Variants in CAMTA1 observed in about 807,000 individuals in gnomAD.
CAMTA1 encodes the protein calmodulin-binding transcription activator 1.
CAMTA1 carries 27 observed loss-of-function variants against 170.9 expected under a neutral mutation model. The observed-to-expected ratio is 0.16, with a 90% CI of 0.12 to 0.22. The LOEUF (loss-of-function observed/expected upper bound fraction) is 0.22, where lower values mean the gene tolerates loss of function less well. Among genes scored for constraint, CAMTA1 ranks in the 10% least tolerant of loss-of-function variants. CAMTA1 has a pLI of 1.00. For missense variants in CAMTA1, 1,619 were observed against 2,217.2 expected (o/e 0.73, Z 5.42); for synonymous variants, 833 against 891.5 (o/e 0.93, Z 1.17).
intron 3 of CAMTA1, among the ~76,000 whole-genome samples, chr1:6,932,930 T>C (rs1684656904): frequency 6.6e-6 from 1 of 152,200 alleles, no homozygotes; most frequent in South Asian, 2.1e-4. Flanking sequence ...TTTCTTCCAG[T>C]CTGTGATTTG....
chr1:7,111,861 G>A lies in CAMTA1; in HGVS notation c.302+20490G>A, dbSNP rs550450381. On this transcript the variant is annotated intron_variant, in intron 4 of 22. Transcript: ENST00000303635. ...GATTGCATTACTGCACTCCAGCCTG[G>A]GCGACCGGGCAAGACTCCATCTCCA... 3.0e-4 allele frequency among the ~76,000 whole-genome samples: 44 copies of A among 148,782 alleles called. 2 individuals are homozygous for A. In the South Asian group the frequency reaches 7.9e-3, roughly 27 times the overall value.
intron 3 of CAMTA1, among the ~76,000 whole-genome samples, chr1:6,857,022 G>C (rs1192240025): frequency 6.6e-6 from 1 of 152,204 alleles, no homozygotes; most frequent in Non-Finnish European, 1.5e-5. Context: ...GTGTCCCTGT[G>C]AAGGGTTGCC....
At position 7,125,853 on chromosome 1, in the gene CAMTA1, C is replaced by T. The variant is rs1473926380; in HGVS notation, c.302+34482C>T. On this transcript the variant is annotated intron_variant, in intron 4 of 22. Coordinates refer to ENST00000303635, the MANE Select transcript of CAMTA1 (RefSeq NM_015215.4). ...CCAGGGGTCCCTCCTTTCCATCTCT[C>T]CTCCCCAAAGCCTCAAAGCCCCAAC... Among the ~76,000 whole-genome samples, 4 of 152,274 alleles carry T rather than the reference C, an allele frequency of 2.6e-5. 1 individual carries two copies. The highest frequency in any genetic ancestry group is 4.4e-5 in the Non-Finnish European group (3 of 68,018).
At chr1:6,929,244 A>G (rs999741548) in intron 3 of CAMTA1, among the ~76,000 whole-genome samples, 1 of 152,136 alleles carries the variant, frequency 6.6e-6, no homozygotes, top group Non-Finnish European at 1.5e-5. Flanking sequence ...CAATGGTGCG[A>G]TCTCGGCTCA....
At chr1:7,223,616 C>T (rs1489960516) in intron 4 of CAMTA1, among the ~76,000 whole-genome samples, 1 of 152,028 alleles carries the variant, frequency 6.6e-6, no homozygotes, top group African/African-American at 2.4e-5. Flanking sequence ...TTATATGAGG[C>T]CCTGGGTTTG....
chr1:7,536,407 G>A (rs1445819328), intron 6 of CAMTA1, among the ~76,000 whole-genome samples: 1 of 152,172 alleles, frequency 6.6e-6, no homozygotes, highest in Non-Finnish European at 1.5e-5. Flanking sequence ...TTCACTCTGC[G>A]TCCCTGCCGC....
intron 3 of CAMTA1, among the ~76,000 whole-genome samples, chr1:6,929,610 G>A (rs1189180469): frequency 1.3e-5 from 2 of 152,168 alleles, no homozygotes; most frequent in Non-Finnish European, 2.9e-5. Flanking sequence ...TGATCCGCCC[G>A]CCTCGGCTTC....
At chr1:6,902,077 A>AT (rs1553180469) in intron 3 of CAMTA1, among the ~76,000 whole-genome samples, 1 of 70,874 alleles carries the variant, frequency 1.4e-5, no homozygotes, top group Admixed American at 1.5e-4. Context: ...ACACACAAAA[A>AT]AAAAAATAAA....
chr1:7,131,522 CTTTTTTTT>C (rs58819912), intron 4 of CAMTA1, among the ~76,000 whole-genome samples: 1 of 126,698 alleles, frequency 7.9e-6, no homozygotes, highest in Non-Finnish European at 1.7e-5. Flanking sequence ...ATCGTCTTTT[CTTTTTTTT>C]TTTTTTTTCT....
At chr1:7,433,198 T>C (rs909082152) in intron 5 of CAMTA1, among the ~76,000 whole-genome samples, 2 of 152,216 alleles carry the variant, frequency 1.3e-5, no homozygotes, top group African/African-American at 4.8e-5. Flanking sequence ...GTGGCTGCCC[T>C]AGCAGGCTGG....
chr1:7,008,184 G>A (rs1050478224), intron 3 of CAMTA1, among the ~76,000 whole-genome samples: 8 of 152,194 alleles, frequency 5.3e-5, no homozygotes, highest in Admixed American at 6.5e-5. Flanking sequence ...ACTCAGAGGA[G>A]GTTCTTAGAG....
In CAMTA1 at chr1:7,014,607, G is replaced by T. The variant is rs1205821205; in HGVS notation, c.235-76697G>T. On this transcript the variant is annotated intron_variant, in intron 3 of 22. Coordinates refer to ENST00000303635, the MANE Select transcript of CAMTA1 (RefSeq NM_015215.4). This position sits in a 1 kb window ranked among gnomAD's most constrained non-coding sequence, Gnocchi z 4.2. ...TTCTGTTTTAAGGCAGCAAAACAGC[G>T]TGCGAGCTTGGTCCCTTAACACGGA... 6.6e-6 allele frequency among the ~76,000 whole-genome samples: 1 copy of T among 152,190 alleles called. No individual in the cohort carries two copies. The highest frequency in any genetic ancestry group is 1.5e-5 in the Non-Finnish European group (1 of 68,038).
intron 5 of CAMTA1, among the ~76,000 whole-genome samples, chr1:7,406,115 G>A (rs892766645): frequency 6.6e-6 from 1 of 152,244 alleles, no homozygotes; most frequent in Non-Finnish European, 1.5e-5. Flanking sequence ...CCTGGTGCCT[G>A]TCACTTCCTG....
chr1:6,880,095 T>G (rs1436654628), intron 3 of CAMTA1, among the ~76,000 whole-genome samples: 1 of 151,844 alleles, frequency 6.6e-6, no homozygotes, highest in Non-Finnish European at 1.5e-5. Flanking sequence ...TTTTTTATAT[T>G]TATCTTTAAT....
intron 6 of CAMTA1, among the ~76,000 whole-genome samples, chr1:7,597,918 A>T (rs912009353): frequency 2.6e-5 from 4 of 151,030 alleles, no homozygotes; most frequent in Non-Finnish European, 5.9e-5. Flanking sequence ...GTTTGCTGCG[A>T]CTATCAACCC....
At chr1:7,458,831 G>C (rs1489995887) in intron 5 of CAMTA1, among the ~76,000 whole-genome samples, 2 of 152,222 alleles carry the variant, frequency 1.3e-5, no homozygotes, top group Non-Finnish European at 2.9e-5. Context: ...GGTCAATGAC[G>C]ATCTAATATT....
chr1:7,192,456 G>A (rs1489673054), intron 4 of CAMTA1, among the ~76,000 whole-genome samples: 2 of 152,238 alleles, frequency 1.3e-5, no homozygotes, highest in Non-Finnish European at 1.5e-5. Flanking sequence ...AGGCCGGATA[G>A]CCCAGTGGTG....
At chr1:7,351,030 A>G (rs1434642512) in intron 5 of CAMTA1, among the ~76,000 whole-genome samples, 1 of 152,188 alleles carries the variant, frequency 6.6e-6, no homozygotes, top group African/African-American at 2.4e-5. Flanking sequence ...GGTGGGGCGC[A>G]TTCCTGCTTT....
intron 5 of CAMTA1, among the ~76,000 whole-genome samples, chr1:7,324,230 T>C (rs1678924942): frequency 1.3e-5 from 2 of 152,380 alleles, no homozygotes; most frequent in Non-Finnish European, 1.5e-5. Flanking sequence ...TTCATCAATA[T>C]GGTGATCCTC....
Sources: gnomAD v4.1 joint callset for allele counts (sites outside exome capture counted in the v4.1 genomes callset) on GRCh38, gnomAD v4.1.1 for gene constraint, Gnocchi (gnomAD v3.1) non-coding constraint, MANE v1.5 for transcripts, NCBI Gene and HGNC (gene_info 2026-07-23, HGNC 2026-07-21) for gene names.